Variants in ABCC3 observed in about 807,000 individuals in gnomAD.
ABCC3 encodes the protein ATP binding cassette subfamily C member 3, also known as ATP-binding cassette sub-family C member 3.
In ABCC3, 121 loss-of-function variants were observed where a neutral mutation model predicts 165.3. That is an observed-to-expected ratio of 0.73 (90% CI 0.63 to 0.85). The LOEUF is 0.85. Among genes scored for constraint, ABCC3 ranks in the 40% least tolerant of loss-of-function variants. ABCC3 has a pLI of 0.00. For synonymous variants in ABCC3, 733 were observed against 810.1 expected (o/e 0.90, Z 1.62); for missense variants, 1,869 against 1,964.1 (o/e 0.95, Z 0.92).
At chr17:50,658,380 T>C in intron 5 of ABCC3, 55 bp from the exon 6 acceptor site, 1 of 1,591,822 alleles carries the variant, frequency 6.3e-7, no homozygotes, top group Non-Finnish European at 8.6e-7. Flanking sequence ...CCTACTCTGC[T>C]TTGAGAGGGT....
chr17:50,657,917 G>A (rs915000232), intron 4 of ABCC3, among the ~76,000 whole-genome samples, 165 bp from the exon 5 acceptor site: 2 of 152,316 alleles, frequency 1.3e-5, no homozygotes, highest in African/African-American at 2.4e-5. Context: ...GAGCTCCCTT[G>A]TGATCCTTCC....
At chr17:50,660,385 G>C (rs905696074) in intron 7 of ABCC3, among the ~76,000 whole-genome samples, 1 of 152,152 alleles carries the variant, frequency 6.6e-6, no homozygotes, top group African/African-American at 2.4e-5. Flanking sequence ...CACAATCCAG[G>C]CCTAGGAGTT....
intron 17 of ABCC3, among the ~76,000 whole-genome samples, chr17:50,672,088 A>T (rs1404720057): frequency 6.6e-6 from 1 of 152,034 alleles, no homozygotes; most frequent in African/African-American, 2.4e-5. Context: ...TCACGCATCA[A>T]CCTATTAATC....
At chr17:50,668,205 G>A (rs569420548) in intron 13 of ABCC3, among the ~76,000 whole-genome samples, 196 bp downstream of exon 13, 2 of 152,140 alleles carry the variant, frequency 1.3e-5, no homozygotes, top group Non-Finnish European at 2.9e-5. Context: ...TGGTCAGGTC[G>A]GGTGTCTGGA....
At chr17:50,646,382 G>T (rs890024572) in intron 1 of ABCC3, among the ~76,000 whole-genome samples, 1 of 152,198 alleles carries the variant, frequency 6.6e-6, no homozygotes. Flanking sequence ...GTCTATGCAG[G>T]CTATTGTAGG....
intron 30 of ABCC3, among the ~76,000 whole-genome samples, chr17:50,690,160 G>GGCAGGAGGGT (rs1968094089): frequency 6.6e-6 from 1 of 152,172 alleles, no homozygotes; most frequent in Non-Finnish European, 1.5e-5. Flanking sequence ...CATGCCCCAA[G>GGCAGGAGGGT]GCAGGAGGGT....
rs769363021 is a variant in ABCC3 at position 50,663,756 on chromosome 17, G to A, written c.1074G>A (p.Leu358=). ...WGFLVAGLMF[L]CSMMQSLILQ... ...TCCTGGTGGCTGGGCTGATGTTCCT[G>A]TGCTCCATGATGCAGTCGCTGATCT... Residue 358 remains leucine (L), a synonymous_variant, in exon 9 of 31, where the codon CTG becomes CTA. Transcript: ENST00000285238. 6.2e-7 allele frequency: 1 copy of A among 1,614,194 alleles called. No homozygotes were observed. Among genetic ancestry groups the A allele is most frequent in the Non-Finnish European group, 8.5e-7 (1 of 1,180,036 alleles).
rs35128486 is a variant in ABCC3 at position 50,677,374 on chromosome 17, TC to T, written c.3379-367del. Among the ~76,000 whole-genome samples the T allele has an allele frequency of 1.1e-3, 167 of 152,330 alleles. 1 individual carries two copies. In the East Asian group the frequency reaches 0.026, roughly 24 times the overall value. On this transcript the variant is annotated intron_variant, in intron 23 of 30. Coordinates refer to ENST00000285238, the MANE Select transcript of ABCC3 (RefSeq NM_003786.4). Reference sequence around the variant, plus strand: ...CCTGTTCTGTAATGAATTAGTCAGTTCCCGGGGATAGATGCTCAACACCTGG... The same window carrying T: ...CCTGTTCTGTAATGAATTAGTCAGTTCCGGGGATAGATGCTCAACACCTGG...
At position 50,660,905 on chromosome 17, in the gene ABCC3, C is replaced by T. The variant is rs2301837; in HGVS notation, c.807-18C>T. 144,218 of 1,569,672 alleles carry T rather than the reference C, an allele frequency of 0.092. 6,940 individuals are homozygous for T. The highest frequency in any genetic ancestry group is 0.14 in the East Asian group (6,185 of 44,546). ...CTGTCCCCATTCCTAACCCACTGCT[C>T]CTTCCTCCCTGGACCAGACACAAGG... On this transcript the variant is annotated intron_variant, in intron 7 of 30. Transcript: ENST00000285238.
At chr17:50,678,686 G>A (rs562213851) in intron 25 of ABCC3, among the ~76,000 whole-genome samples, 30 of 152,212 alleles carry the variant, frequency 2.0e-4, no homozygotes, top group Admixed American at 7.2e-4. Flanking sequence ...TTTGGGAGGC[G>A]GAGGTGGGCG....
At chr17:50,651,359 G>A (rs905313639) in intron 1 of ABCC3, among the ~76,000 whole-genome samples, 1 of 152,192 alleles carries the variant, frequency 6.6e-6, no homozygotes, top group African/African-American at 2.4e-5. Flanking sequence ...TGTGAGGCCT[G>A]AAAACTAAAT....
At chr17:50,650,600 A>C in intron 1 of ABCC3, among the ~76,000 whole-genome samples, 1 of 152,098 alleles carries the variant, frequency 6.6e-6, no homozygotes, top group Non-Finnish European at 1.5e-5. Flanking sequence ...GACAAAATTT[A>C]TTCTCTTTTT....
At chr17:50,667,307 G>T (rs1355346918) in intron 11 of ABCC3, among the ~76,000 whole-genome samples, 3 of 152,150 alleles carry the variant, frequency 2.0e-5, no homozygotes, top group Admixed American at 2.0e-4. Context: ...AGAGGATGCT[G>T]CCTGGGGAGG....
intron 1 of ABCC3, among the ~76,000 whole-genome samples, chr17:50,638,223 A>G (rs2054196795): frequency 1.3e-5 from 2 of 152,170 alleles, no homozygotes; most frequent in Non-Finnish European, 2.9e-5. Flanking sequence ...TCTGTTCTGA[A>G]CCACAGAGGT....
Position 50,679,889 on chromosome 17 carries a change from C to T in ABCC3, c.3797C>T (p.Thr1266Ile). ...GAGAGGGTCAAGGAGTACTCCAAGA[C>T]AGAGACAGAGGTGGGTACTGGCATG... ...AVERVKEYSK[T>I]ETEAPWVVEG... The change falls in exon 26 of 31, where the codon ACA (threonine) becomes ATA (isoleucine). Residue 1266 changes from threonine to isoleucine, a missense_variant. Transcript: ENST00000285238. 1 of 1,613,734 alleles carries T rather than the reference C, an allele frequency of 6.2e-7. No individual in the cohort carries two copies. The highest frequency in any genetic ancestry group is 8.5e-7 in the Non-Finnish European group (1 of 1,179,686).
In ABCC3 at chr17:50,676,499, G is replaced by A. The variant is rs368347928; in HGVS notation, c.3289G>A (p.Ala1097Thr). The A allele has an allele frequency of 1.1e-5, 18 of 1,613,314 alleles. No individual in the cohort carries two copies. Among genetic ancestry groups the A allele is most frequent in the Admixed American group, 5.0e-5 (3 of 59,938 alleles). ...CATGCTGCTCAATTCCTTCTTCAAC[G>A]CCATCTCCACTCTTGTGGTCATCAT... ...ILMLLNSFFN[A>T]ISTLVVIMAS... The change falls in exon 23 of 31, where the codon GCC (alanine) becomes ACC (threonine). Residue 1097 changes from alanine to threonine, a missense_variant. By Grantham distance (58) the Ala-to-Thr change is moderately conservative. Coordinates refer to ENST00000285238, the MANE Select transcript of ABCC3 (RefSeq NM_003786.4).
At chr17:50,648,527 G>A (rs1214102250) in intron 1 of ABCC3, among the ~76,000 whole-genome samples, 1 of 152,162 alleles carries the variant, frequency 6.6e-6, no homozygotes, top group Admixed American at 6.5e-5. Flanking sequence ...CTCCTAAATT[G>A]GTCCCAGAGA....
At position 50,660,984 on chromosome 17, in the gene ABCC3, G is replaced by A. The variant is rs951518192; in HGVS notation, c.868G>A (p.Ala290Thr). 1.2e-6 allele frequency: 2 copies of A among 1,613,852 alleles called. No homozygotes were observed. The highest frequency in any genetic ancestry group is 1.1e-5 in the South Asian group (1 of 91,084). Reference protein sequence around the residue: ...ASGEDEVLLGARPRPRKPSFL... With the variant: ...ASGEDEVLLGTRPRPRKPSFL... ...CGGCGAGGACGAGGTGCTGCTGGGT[G>A]CCCGGCCCAGGCCCCGGAAGCCCTC... Residue 290 changes from alanine (A) to threonine (T), a missense_variant, in exon 8 of 31, where the codon GCC (alanine) becomes ACC (threonine). Coordinates refer to ENST00000285238, the MANE Select transcript of ABCC3 (RefSeq NM_003786.4).
At chr17:50,668,205 G>T (rs569420548) in intron 13 of ABCC3, among the ~76,000 whole-genome samples, 196 bp downstream of exon 13, 54 of 152,258 alleles carry the variant, frequency 3.5e-4, no homozygotes, top group African/African-American at 1.0e-3. Flanking sequence ...TGGTCAGGTC[G>T]GGTGTCTGGA....
Sources: allele counts gnomAD v4.1 joint callset (sites outside exome capture counted in the v4.1 genomes callset), GRCh38; gene constraint gnomAD v4.1.1; transcripts MANE v1.5; gene names NCBI Gene and HGNC (gene_info 2026-07-23, HGNC 2026-07-21).